The following ABCB7 variants were observed in gnomAD, a reference collection of about 807,000 sequenced individuals.
The protein encoded by ABCB7 is iron-sulfur clusters transporter ABCB7, mitochondrial.
Under a neutral mutation model 54.4 loss-of-function variants are expected in ABCB7, and 7 were observed. The ratio of observed to expected loss-of-function variants is 0.13; its 90% CI spans 0.07 to 0.24. The LOEUF is 0.24. Among genes scored for constraint, ABCB7 ranks in the 10% least tolerant of loss-of-function variants. ABCB7 has a pLI of 1.00. For missense variants in ABCB7, 356 were observed against 570.4 expected (o/e 0.62, Z 3.83); for synonymous variants, 218 against 207.1 (o/e 1.05, Z -0.45).
At chrX:75,146,457 G>A (rs972303750) in intron 1 of ABCB7, among the ~76,000 whole-genome samples, 1 of 111,771 alleles carries the variant, frequency 8.9e-6, no homozygotes, top group Non-Finnish European at 1.9e-5. Flanking sequence ...GCATGGTACT[G>A]GTACAAAAAC....
rs2081201509 is a variant in ABCB7, at chrX:75,052,382, G to A, written c.*988C>T. On this transcript the variant is annotated 3_prime_UTR_variant, in exon 16 of 16. Coordinates refer to ENST00000373394, the MANE Select transcript of ABCB7 (RefSeq NM_001271696.3). ...CTCAGGAGGCTGAGGCAGGAGAATG[G>A]CGTGAACCCAGGAGGCGGAGCTTGC... 1 of 108,535 alleles carries A rather than the reference G, an allele frequency of 9.2e-6. No individual in the cohort carries two copies. Among genetic ancestry groups the A allele is most frequent in the African/African-American group, 3.4e-5 (1 of 29,521 alleles). The allele number at this position is 108,535 out of a possible 1,213,427, so 8.9% of individuals were successfully genotyped here.
chrX:75,058,059 T>A, intron 15 of ABCB7, among the ~76,000 whole-genome samples: 1 of 111,342 alleles, frequency 9.0e-6, no homozygotes, highest in East Asian at 2.8e-4. Flanking sequence ...CACCAGGCTG[T>A]GGGGGTGAGA....
At chrX:75,151,913 T>G (rs2147585982) in intron 1 of ABCB7, among the ~76,000 whole-genome samples, 1 of 111,960 alleles carries the variant, frequency 8.9e-6, no homozygotes. Context: ...TGTATTTTCT[T>G]TACAGTAAGG....
At chrX:75,080,689 TA>T (rs1026655067) in intron 4 of ABCB7, among the ~76,000 whole-genome samples, 1 of 111,889 alleles carries the variant, frequency 8.9e-6, no homozygotes, top group Non-Finnish European at 1.9e-5. Flanking sequence ...ATCATTTTTT[TA>T]AATTTCAAAA....
At chrX:75,115,784 G>T (rs1293133355) in intron 1 of ABCB7, among the ~76,000 whole-genome samples, 2 of 101,625 alleles carry the variant, frequency 2.0e-5, no homozygotes, top group African/African-American at 3.9e-5. Context: ...TTGTGTGTGT[G>T]TTGGGGGGGG....
Position 75,058,863 on chromosome X carries a change from A to T in ABCB7, c.2043+1360T>A, listed in dbSNP as rs765246737. The stretch of plus-strand genomic sequence containing the variant: ...GGCTGCATAGAATCAGAAAGCTTAT[A>T]AAAAAGTAGCAGATTTTATTTAAGA... On this transcript the variant is annotated intron_variant, in intron 15 of 15. Coordinates refer to ENST00000373394, the MANE Select transcript of ABCB7 (RefSeq NM_001271696.3). 2.3e-4 allele frequency among the ~76,000 whole-genome samples: 26 copies of T among 111,960 alleles called. No individual in the cohort carries two copies. The East Asian group carries it at 6.7e-3, about 29-fold the overall frequency.
intron 1 of ABCB7, among the ~76,000 whole-genome samples, chrX:75,124,581 TAA>T (rs1274210694): frequency 8.9e-6 from 1 of 111,964 alleles, no homozygotes; most frequent in African/African-American, 3.2e-5. Flanking sequence ...GGCTGAATAT[TAA>T]AAGTTAAGAA....
intron 1 of ABCB7, among the ~76,000 whole-genome samples, chrX:75,122,204 T>A (rs771860392): frequency 3.6e-5 from 4 of 111,394 alleles, no homozygotes; most frequent in African/African-American, 1.3e-4. Flanking sequence ...ATAAAACAGA[T>A]TGCAGTAAAG....
intron 3 of ABCB7, among the ~76,000 whole-genome samples, chrX:75,106,435 C>T (rs1183198154): frequency 8.9e-6 from 1 of 111,998 alleles, no homozygotes; most frequent in Non-Finnish European, 1.9e-5. Flanking sequence ...GTCAGAATGG[C>T]TATTATTAAA....
chrX:75,114,994 G>T lies in ABCB7; in HGVS notation c.169-163C>A, dbSNP rs148243753. 1.1e-3 allele frequency among the ~76,000 whole-genome samples: 126 copies of T among 111,215 alleles called. No individual in the cohort carries two copies. In the East Asian group the frequency reaches 0.021, roughly 18 times the overall value. ...CCTAAAAAGACAAAAAATAGGCCGGGCCTGGTGGCTCACGCCTATAATCCT... is the reference window on the plus strand; with the variant it reads ...CCTAAAAAGACAAAAAATAGGCCGGTCCTGGTGGCTCACGCCTATAATCCT... On this transcript the variant is annotated intron_variant, in intron 1 of 15. Transcript: ENST00000373394.
intron 1 of ABCB7, among the ~76,000 whole-genome samples, chrX:75,121,166 G>A (rs758813933): frequency 1.1e-4 from 12 of 109,246 alleles, no homozygotes; most frequent in Non-Finnish European, 1.7e-4. Context: ...GCATGTGCCT[G>A]TAATCCCAGC....
chrX:75,105,087 A>G (rs1307330215), intron 3 of ABCB7, among the ~76,000 whole-genome samples: 2 of 111,301 alleles, frequency 1.8e-5, no homozygotes, highest in Admixed American at 1.9e-4. Context: ...CTGAATGGGG[A>G]AAACTTGAAA....
At chrX:75,115,410 CTTTTTTTTTTTTTT>C (rs747398607) in intron 1 of ABCB7, among the ~76,000 whole-genome samples, 2 of 30,181 alleles carry the variant, frequency 6.6e-5, no homozygotes, top group African/African-American at 1.8e-4. Flanking sequence ...TGTCTCTTTT[CTTTTTTTTTTTTTT>C]TTTTTTTTTT....
chrX:75,103,451 C>T (rs1303695918), intron 3 of ABCB7, among the ~76,000 whole-genome samples: 1 of 110,805 alleles, frequency 9.0e-6, no homozygotes, highest in Non-Finnish European at 1.9e-5. Context: ...TATTTGGACT[C>T]CCTATTCTGC....
chrX:75,094,019 C>CATATACATATAT (rs1555949284), intron 4 of ABCB7, among the ~76,000 whole-genome samples: 11 of 46,005 alleles, frequency 2.4e-4, no homozygotes, highest in African/African-American at 1.0e-3. Flanking sequence ...CTGTTATATA[C>CATATACATATAT]ATATATATAT....
intron 15 of ABCB7, among the ~76,000 whole-genome samples, chrX:75,055,820 A>G (rs2081235381): frequency 9.2e-6 from 1 of 108,870 alleles, no homozygotes. Context: ...TTCAATTTGT[A>G]TTTGTCTAGT....
intron 1 of ABCB7, among the ~76,000 whole-genome samples, chrX:75,151,133 C>G (rs1372460268): frequency 1.8e-5 from 2 of 111,612 alleles, no homozygotes. Flanking sequence ...GCCTCGTGTT[C>G]TAAAAGAAAG....
intron 1 of ABCB7, among the ~76,000 whole-genome samples, chrX:75,143,176 T>C (rs1385374639): frequency 1.8e-5 from 2 of 111,800 alleles, no homozygotes; most frequent in Non-Finnish European, 3.8e-5. Flanking sequence ...AAATCACCTC[T>C]TGAATGCTTT....
Position 75,053,216 on chromosome X carries a change from T to C in ABCB7, c.*154A>G, listed in dbSNP as rs1199107676. The stretch of plus-strand genomic sequence containing the variant: ...TACAGATGCCACATTAAATAGACTA[T>C]GAAAGATGTAAAACTCAAATCCCCT... On this transcript the variant is annotated 3_prime_UTR_variant, in exon 16 of 16. Transcript: ENST00000373394. 4.1e-6 allele frequency: 3 copies of C among 740,457 alleles called. No individual in the cohort carries two copies. The highest frequency in any genetic ancestry group is 3.6e-5 in the Admixed American group (1 of 27,537). The allele number at this position is 740,457 out of a possible 1,213,427, so 61.0% of individuals were successfully genotyped here.
Sources: allele counts gnomAD v4.1 joint callset (sites outside exome capture counted in the v4.1 genomes callset), GRCh38; gene constraint gnomAD v4.1.1; transcripts MANE v1.5; gene names NCBI Gene and HGNC (gene_info 2026-07-23, HGNC 2026-07-21).